Variants in IL1RAPL2 observed in about 807,000 individuals in gnomAD.
The protein encoded by IL1RAPL2 is interleukin 1 receptor accessory protein like 2, also known as X-linked interleukin-1 receptor accessory protein-like 2.
IL1RAPL2 carries 3 observed loss-of-function variants against 44.1 expected under a neutral mutation model. The ratio of observed to expected loss-of-function variants is 0.07; its 90% confidence interval spans 0.03 to 0.18. IL1RAPL2 has a LOEUF of 0.18. Among genes scored for constraint, IL1RAPL2 ranks in the 10% least tolerant of loss-of-function variants. The pLI is 1.00. For missense variants in IL1RAPL2, 391 were observed against 496.4 expected, an observed-to-expected ratio of 0.79 and a Z score of 2.02; for synonymous variants, 181 against 178.8, an observed-to-expected ratio of 1.01 and a Z score of -0.10.
chrX:104,981,779 A>G (rs1162097374), intron 2 of IL1RAPL2, among the ~76,000 whole-genome samples: 1 of 111,361 alleles, frequency 9.0e-6, no homozygotes, highest in Non-Finnish European at 1.9e-5. Flanking sequence ...GAGAATTTTT[A>G]ACATGAAAGG....
At chrX:104,822,187 A>G (rs1049871939) in intron 2 of IL1RAPL2, among the ~76,000 whole-genome samples, 2 of 111,413 alleles carry the variant, frequency 1.8e-5, no homozygotes. Context: ...ATTTTCTCCC[A>G]TTCTGTAGGT....
At chrX:104,741,935 A>G (rs1932107399) in intron 2 of IL1RAPL2, among the ~76,000 whole-genome samples, 1 of 111,542 alleles carries the variant, frequency 9.0e-6, no homozygotes, top group South Asian at 3.7e-4. Context: ...TGATCTACTG[A>G]GTGAATTTGT....
intron 1 of IL1RAPL2, among the ~76,000 whole-genome samples, chrX:104,584,841 A>G (rs1376556920): frequency 9.0e-6 from 1 of 110,928 alleles, no homozygotes; most frequent in Non-Finnish European, 1.9e-5. Context: ...AATTTTTCTA[A>G]CTGAAAGTTG....
At chrX:105,155,770 A>G (rs769500192) in intron 2 of IL1RAPL2, among the ~76,000 whole-genome samples, 3 of 111,219 alleles carry the variant, frequency 2.7e-5, no homozygotes, top group Middle Eastern at 4.7e-3. Context: ...AGCATTATGG[A>G]AGGAAATTTG....
At chrX:105,457,033 TACACACACACACACACACACACAC>T (rs58305468) in intron 5 of IL1RAPL2, among the ~76,000 whole-genome samples, 6 of 85,327 alleles carry the variant, frequency 7.0e-5, no homozygotes, top group African/African-American at 2.7e-4. Context: ...TCTAAAGTTA[TACACACACACACACACACACACAC>T]ACACACACAC....
intron 2 of IL1RAPL2, among the ~76,000 whole-genome samples, chrX:105,001,375 G>A (rs1385532221): frequency 9.0e-6 from 1 of 111,184 alleles, no homozygotes; most frequent in Non-Finnish European, 1.9e-5. Flanking sequence ...CTCCTCTCTG[G>A]TCTATTCTAC....
intron 6 of IL1RAPL2, among the ~76,000 whole-genome samples, chrX:105,555,053 C>T (rs1242191414): frequency 3.7e-5 from 4 of 108,639 alleles, no homozygotes; most frequent in Non-Finnish European, 7.6e-5. Context: ...GGGGATTGCT[C>T]AGTTTACAGC....
At chrX:105,592,130 A>G (rs772245725) in intron 6 of IL1RAPL2, among the ~76,000 whole-genome samples, 16 of 111,891 alleles carry the variant, frequency 1.4e-4, no homozygotes, top group South Asian at 3.7e-4. Context: ...TAGGATCTTT[A>G]TGTCTTCTTG....
chrX:104,661,155 C>T (rs1049125763), intron 2 of IL1RAPL2, among the ~76,000 whole-genome samples: 15 of 111,272 alleles, frequency 1.3e-4, no homozygotes, highest in Non-Finnish European at 2.1e-4. Context: ...ATTGAAGAAA[C>T]ATTACCCAAA....
chrX:104,654,258 T>C (rs774290514), intron 1 of IL1RAPL2, among the ~76,000 whole-genome samples: 1 of 111,400 alleles, frequency 9.0e-6, no homozygotes, highest in Non-Finnish European at 1.9e-5. Flanking sequence ...TCCTATCACA[T>C]AAACAACTGT....
At chrX:105,642,568 T>G (rs992268298) in intron 6 of IL1RAPL2, among the ~76,000 whole-genome samples, 1 of 112,073 alleles carries the variant, frequency 8.9e-6, no homozygotes, top group Non-Finnish European at 1.9e-5. Context: ...CTGATCTCTC[T>G]TATTCAGCTT....
chrX:105,572,848 A>G, intron 6 of IL1RAPL2, among the ~76,000 whole-genome samples: 1 of 112,133 alleles, frequency 8.9e-6, no homozygotes. Flanking sequence ...AGTGCATCAA[A>G]ATGTTATTCA....
At chrX:105,068,127 C>A (rs1205463020) in intron 2 of IL1RAPL2, among the ~76,000 whole-genome samples, 2 of 111,105 alleles carry the variant, frequency 1.8e-5, no homozygotes, top group South Asian at 7.5e-4. Flanking sequence ...TCCTTTTTTG[C>A]CTTTTTATAA....
At chrX:105,169,685 C>T (rs1299227597) in intron 2 of IL1RAPL2, among the ~76,000 whole-genome samples, 1 of 106,349 alleles carries the variant, frequency 9.4e-6, no homozygotes, top group Non-Finnish European at 1.9e-5. Context: ...CATGCCACCA[C>T]ACCTGGCTAA....
intron 6 of IL1RAPL2, among the ~76,000 whole-genome samples, chrX:105,628,850 G>A (rs2037472601): frequency 9.0e-6 from 1 of 111,068 alleles, no homozygotes; most frequent in Non-Finnish European, 1.9e-5. Flanking sequence ...GGCTGTAGCA[G>A]GTGAATCACT....
At chrX:105,766,505 AT>A (rs778596816) in intron 10 of IL1RAPL2, among the ~76,000 whole-genome samples, 2 of 111,616 alleles carry the variant, frequency 1.8e-5, no homozygotes, top group Admixed American at 9.5e-5. Flanking sequence ...TACAGTTAGT[AT>A]TTGTCAATTA....
At chrX:104,746,406 A>G (rs1932176081) in intron 2 of IL1RAPL2, among the ~76,000 whole-genome samples, 1 of 111,902 alleles carries the variant, frequency 8.9e-6, no homozygotes, top group African/African-American at 3.2e-5. Flanking sequence ...TAAGAATCTA[A>G]ATCAGAACGC....
intron 2 of IL1RAPL2, among the ~76,000 whole-genome samples, chrX:104,683,633 C>T (rs780325570): frequency 1.8e-5 from 2 of 112,715 alleles, no homozygotes; most frequent in Non-Finnish European, 3.7e-5. Context: ...AATGATTCCA[C>T]CGACTGTTTC....
At chrX:104,752,017 T>C (rs887493739) in intron 2 of IL1RAPL2, among the ~76,000 whole-genome samples, 2 of 110,970 alleles carry the variant, frequency 1.8e-5, no homozygotes, top group Non-Finnish European at 3.8e-5. Flanking sequence ...CATAAGAAAG[T>C]TACCAGTTTC....
Sources: allele counts gnomAD v4.1 joint callset (sites outside exome capture counted in the v4.1 genomes callset), GRCh38; gene constraint gnomAD v4.1.1; transcripts MANE v1.5; gene names NCBI Gene and HGNC (gene_info 2026-07-23, HGNC 2026-07-21).